RAB2A: variants seen among roughly 807,000 people sequenced by gnomAD.
RAB2A encodes RAB2A, member RAS oncogene family, also known as ras-related protein Rab-2A.
RAB2A carries 7 observed loss-of-function variants against 32.5 expected under a neutral mutation model. That is an observed-to-expected ratio of 0.22 (90% CI 0.12 to 0.40). The LOEUF (loss-of-function observed/expected upper bound fraction) is 0.40, where lower values mean the gene tolerates loss of function less well. Ranked by LOEUF, RAB2A falls within the 10% of genes least tolerant of loss-of-function variation. RAB2A has a pLI of 1.00. For synonymous variants in RAB2A, 79 were observed against 85.2 expected (o/e 0.93, Z 0.40); for missense variants, 108 against 260.7 (o/e 0.41, Z 4.03).
At chr8:60,608,467 G>C (rs1586113482) in intron 6 of RAB2A, among the ~76,000 whole-genome samples, 1 of 142,022 alleles carries the variant, frequency 7.0e-6, no homozygotes, top group African/African-American at 2.9e-5. Flanking sequence ...CCCGCCCCCG[G>C]TCCTGCTCCC....
At chr8:60,576,710 C>G (rs1167910794) in intron 3 of RAB2A, among the ~76,000 whole-genome samples, 1 of 152,116 alleles carries the variant, frequency 6.6e-6, no homozygotes, top group Admixed American at 6.5e-5. Flanking sequence ...GATGGATGAC[C>G]AGATGCAGTG....
At chr8:60,611,433 G>T (rs1348111754) in intron 6 of RAB2A, among the ~76,000 whole-genome samples, 8 of 152,148 alleles carry the variant, frequency 5.3e-5, no homozygotes, top group Non-Finnish European at 1.0e-4. Flanking sequence ...GCCTTCACTT[G>T]CAGGGCTTTT....
At chr8:60,516,966 GGAGGCGCC>G, upstream of RAB2A, 1 of 407,802 alleles carries the variant, frequency 2.5e-6, no homozygotes, top group Non-Finnish European at 4.4e-6. Context: ...GAGGCGGGGC[GGAGGCGCC>G]GCGGCGGCTG....
intron 1 of RAB2A, among the ~76,000 whole-genome samples, chr8:60,556,207 C>A (rs76398321): frequency 2.3e-3 from 344 of 151,818 alleles, no homozygotes; most frequent in African/African-American, 8.1e-3. Flanking sequence ...TATTAGAGGC[C>A]GGGAAGGGTA....
intron 1 of RAB2A, among the ~76,000 whole-genome samples, chr8:60,548,586 C>T (rs1295952041): frequency 5.8e-5 from 8 of 138,764 alleles, no homozygotes; most frequent in African/African-American, 1.1e-4. Context: ...CCAGCAGGGG[C>T]GGCCAGGCAG....
chr8:60,599,555 C>G (rs533391110), intron 6 of RAB2A, among the ~76,000 whole-genome samples: 4 of 152,254 alleles, frequency 2.6e-5, no homozygotes, highest in Admixed American at 1.3e-4. Context: ...GTCATCAGGA[C>G]TGCGTGATAC....
At chr8:60,584,156 T>G in intron 3 of RAB2A, 52 bp from the exon 4 acceptor site, 2 of 1,361,250 alleles carry the variant, frequency 1.5e-6, no homozygotes, top group South Asian at 2.3e-5. Flanking sequence ...AATATGAAAA[T>G]GTAGAGGACA....
At chr8:60,558,618 C>A in intron 1 of RAB2A, 1 of 550,860 alleles carries the variant, frequency 1.8e-6, no homozygotes. Context: ...ATTTATCTTT[C>A]ACATTGAAAT....
rs116273504 is a variant in RAB2A, at chr8:60,579,502, A to G, written c.187-4706A>G. On this transcript the variant is annotated intron_variant, in intron 3 of 7. Coordinates refer to ENST00000262646, the MANE Select transcript of RAB2A (RefSeq NM_002865.3). ...GTGTTTTTCTTTACACTCTAAGCTAATATTAGGAATCTCTTACTATTAAAT... is the reference window on the plus strand; with the variant it reads ...GTGTTTTTCTTTACACTCTAAGCTAGTATTAGGAATCTCTTACTATTAAAT... 1.8e-3 allele frequency among the ~76,000 whole-genome samples: 269 copies of G among 152,314 alleles called. 1 individual carries two copies. The highest frequency in any genetic ancestry group is 6.3e-3 in the African/African-American group (262 of 41,564).
At chr8:60,567,839 C>G (rs1808138610) in intron 2 of RAB2A, among the ~76,000 whole-genome samples, 1 of 151,836 alleles carries the variant, frequency 6.6e-6, no homozygotes, top group South Asian at 2.1e-4. Context: ...CAATTTTTTC[C>G]TAAGCCAAAA....
At chr8:60,606,812 T>C (rs1804239108) in intron 6 of RAB2A, among the ~76,000 whole-genome samples, 1 of 152,236 alleles carries the variant, frequency 6.6e-6, no homozygotes, top group African/African-American at 2.4e-5. Context: ...ACACAAGCAG[T>C]GTCCTGAGGC....
In RAB2A at chr8:60,572,036, C is replaced by T. The variant is rs779960307; in HGVS notation, c.119-10C>T. ...TAATTTTGTAACAAATCATTTCCTA[C>T]TCTATTTAGGTGTAGAGTTCGGTGC... On this transcript the variant is annotated splice_polypyrimidine_tract_variant and intron_variant, in intron 2 of 7. Coordinates refer to ENST00000262646, the MANE Select transcript of RAB2A (RefSeq NM_002865.3). 1.6e-5 allele frequency: 25 copies of T among 1,591,476 alleles called. No homozygotes were observed. The East Asian group carries it at 5.2e-4, about 33-fold the overall frequency.
chr8:60,553,263 G>T (rs1233750476), intron 1 of RAB2A, among the ~76,000 whole-genome samples: 1 of 152,186 alleles, frequency 6.6e-6, no homozygotes, highest in Non-Finnish European at 1.5e-5. Context: ...CTCAGGACAG[G>T]CTGTAACCCA....
Position 60,572,173 on chromosome 8 carries a change from G to A in RAB2A, c.186+60G>A, listed in dbSNP as rs1014145809. 6.2e-6 allele frequency: 8 copies of A among 1,292,098 alleles called. No homozygotes were observed. The African/African-American group carries it at 7.4e-5, about 12-fold the overall frequency. 80.0% of individuals were successfully genotyped at this position (1,292,098 alleles called of 1,614,324 possible). On this transcript the variant is annotated intron_variant, in intron 3 of 7. Coordinates refer to ENST00000262646, the MANE Select transcript of RAB2A (RefSeq NM_002865.3). Reference sequence around the variant, plus strand: ...TAAAGTTACTTTATGAAAGTACATCGTATATTTGTTTTAATGTTATTATAT... The same window carrying A: ...TAAAGTTACTTTATGAAAGTACATCATATATTTGTTTTAATGTTATTATAT...
rs547031220 is a variant in RAB2A at position 60,541,318 on chromosome 8, T to C, written c.47-17534T>C. On this transcript the variant is annotated intron_variant, in intron 1 of 7. Transcript: ENST00000262646. ...GAAGGCCTGACAATTAAATGTAATA[T>C]GGTTTCTTAGATGTGATCCTGAGAC... is the stretch of plus-strand genomic sequence containing the variant. 1.1e-4 allele frequency among the ~76,000 whole-genome samples: 16 copies of C among 152,278 alleles called. No individual in the cohort carries two copies. The East Asian group carries it at 2.1e-3, about 20-fold the overall frequency.
At chr8:60,546,920 A>G (rs575085075) in intron 1 of RAB2A, among the ~76,000 whole-genome samples, 22 of 67,904 alleles carry the variant, frequency 3.2e-4, no homozygotes, top group Non-Finnish European at 5.9e-4. Flanking sequence ...TTTTTTATTG[A>G]TCATTCTTGG....
At chr8:60,611,693 ATTCT>A (rs1804352362) in intron 6 of RAB2A, among the ~76,000 whole-genome samples, 1 of 152,212 alleles carries the variant, frequency 6.6e-6, no homozygotes. Flanking sequence ...GGAACAGGAA[ATTCT>A]TTTTTTAATT....
chr8:60,599,250 A>G (rs1804088489), intron 6 of RAB2A, among the ~76,000 whole-genome samples: 1 of 152,208 alleles, frequency 6.6e-6, no homozygotes, highest in African/African-American at 2.4e-5. Context: ...TATTCTGAAA[A>G]CTACAAAACT....
chr8:60,598,211 A>G (rs1462505302), intron 6 of RAB2A, among the ~76,000 whole-genome samples: 1 of 152,210 alleles, frequency 6.6e-6, no homozygotes, highest in Non-Finnish European at 1.5e-5. Context: ...AAAAAGAAAA[A>G]AATTGAATAG....
Sources: allele counts gnomAD v4.1 joint callset (sites outside exome capture counted in the v4.1 genomes callset), GRCh38; gene constraint gnomAD v4.1.1; transcripts MANE v1.5; gene names NCBI Gene and HGNC (gene_info 2026-07-23, HGNC 2026-07-21).